Variants in ZC3H18 observed in about 807,000 individuals in gnomAD.
ZC3H18 encodes zinc finger CCCH domain-containing protein 18.
ZC3H18 carries 8 observed loss-of-function variants against 106.1 expected under a neutral mutation model. That is an observed-to-expected ratio of 0.08 (90% CI 0.04 to 0.14). ZC3H18 has a LOEUF of 0.14. Among genes scored for constraint, ZC3H18 ranks in the 10% least tolerant of loss-of-function variants. The probability of loss-of-function intolerance (pLI) is 1.00; values close to 1 mark genes in which losing one functional copy is unlikely to be tolerated. For missense variants in ZC3H18, 1,318 were observed against 1,278.4 expected, an observed-to-expected ratio of 1.03 and a Z score of -0.47; for synonymous variants, 635 against 522.1, an observed-to-expected ratio of 1.22 and a Z score of -2.95.
intron 1 of ZC3H18, among the ~76,000 whole-genome samples, chr16:88,576,438 C>T (rs1410488453): frequency 1.3e-5 from 2 of 152,170 alleles, no homozygotes; most frequent in Non-Finnish European, 2.9e-5. Flanking sequence ...GAGGGGTTCT[C>T]AACTTAGGAG....
chr16:88,611,340 CGGGAGCGCCGGCAGA>C lies in ZC3H18; in HGVS notation c.1288_1302del (p.Arg430_Arg434del), dbSNP rs1905262016. On this transcript the variant is annotated inframe_deletion, in exon 8 of 18. Coordinates refer to ENST00000301011, the MANE Select transcript of ZC3H18 (RefSeq NM_144604.4). ...GCGGGAGCGGGAGCGGGACCGAGAG[CGGGAGCGCCGGCAGA>C]GGGAGCGCGAGCGAGAGCGGGAGCG... is the stretch of plus-strand genomic sequence containing the variant. 1.4e-6 allele frequency: 1 copy of C among 729,830 alleles called. No individual in the cohort carries two copies. Among genetic ancestry groups the C allele is most frequent in the African/African-American group, 1.8e-5 (1 of 55,078 alleles). 45.2% of individuals were successfully genotyped at this position (729,830 alleles called of 1,614,324 possible).
chr16:88,628,337 C>G (rs1555538722), intron 15 of ZC3H18, among the ~76,000 whole-genome samples: 1 of 152,020 alleles, frequency 6.6e-6, no homozygotes, highest in Non-Finnish European at 1.5e-5. Context: ...TGGCCTCTCT[C>G]TGAACAGAGA....
Position 88,598,608 on chromosome 16 carries a change from G to A in ZC3H18, c.838-12G>A, listed in dbSNP as rs1462154395. 1.1e-5 allele frequency: 17 copies of A among 1,602,784 alleles called. No homozygotes were observed. The highest frequency in any genetic ancestry group is 3.3e-4 in the Middle Eastern group (2 of 6,070). On this transcript the variant is annotated splice_polypyrimidine_tract_variant and intron_variant, in intron 4 of 17. Transcript: ENST00000301011. ...TTACTTTCTCACCTTCTCCCTTCTC[G>A]TTTTTCAATAGGGTGGGCCGGTAGT...
chr16:88,592,040 G>T (rs1008044556), intron 3 of ZC3H18, among the ~76,000 whole-genome samples: 6 of 152,234 alleles, frequency 3.9e-5, no homozygotes, highest in African/African-American at 1.4e-4. Context: ...GGAGCCGCTG[G>T]CAGTGGAGTT....
chr16:88,630,481 C>G lies in ZC3H18; in HGVS notation c.2567-4C>G, dbSNP rs2142844862. 1.2e-6 allele frequency: 2 copies of G among 1,612,756 alleles called. No homozygotes were observed. The highest frequency in any genetic ancestry group is 1.7e-6 in the Non-Finnish European group (2 of 1,179,606). ...GGTGGTCTCACTCTGTACCTATCAC[C>G]CAGGTTCTCGGGACCGGAAGTCAGG... On this transcript the variant is annotated splice_region_variant and splice_polypyrimidine_tract_variant and intron_variant, in intron 16 of 17. Transcript: ENST00000301011.
At chr16:88,595,365 T>G (rs1349792923) in intron 3 of ZC3H18, among the ~76,000 whole-genome samples, 2 of 152,192 alleles carry the variant, frequency 1.3e-5, no homozygotes, top group Non-Finnish European at 2.9e-5. Flanking sequence ...CGCAGAACTA[T>G]CTTTATACTG....
intron 10 of ZC3H18, 166 bp downstream of exon 10, chr16:88,623,510 C>A: frequency 1.1e-6 from 1 of 910,660 alleles, no homozygotes; most frequent in Non-Finnish European, 1.6e-6. Flanking sequence ...CCCCACCAAA[C>A]ACCAGCCTTG....
intron 13 of ZC3H18, chr16:88,626,384 CAAAA>C (rs138416506): frequency 6.7e-6 from 1 of 149,624 alleles, no homozygotes; most frequent in African/African-American, 2.5e-5. Flanking sequence ...TGTCTCAAAA[CAAAA>C]AAAAAGGATT....
chr16:88,630,756 A>ACCCC (rs1281479340), intron 17 of ZC3H18, among the ~76,000 whole-genome samples, 175 bp downstream of exon 17: 12 of 50,238 alleles, frequency 2.4e-4, no homozygotes, highest in African/African-American at 7.2e-4. Context: ...CCCACCCCCC[A>ACCCC]CCCCCCCCCA....
chr16:88,624,169 G>A lies in ZC3H18; in HGVS notation c.1898+107G>A. 2.7e-6 allele frequency: 4 copies of A among 1,475,164 alleles called. 1 individual carries two copies. In the South Asian group the frequency reaches 5.0e-5, roughly 18 times the overall value. The allele number at this position is 1,475,164 out of a possible 1,614,324, so 91.4% of individuals were successfully genotyped here. A position where few individuals can be genotyped will look rare whatever the true frequency, so the allele number is the denominator to read the frequency against. On this transcript the variant is annotated intron_variant, in intron 11 of 17. Transcript: ENST00000301011. ...TTTGTGTTTGGGACCAAAGAGGTGAGGATGCCTCAGGGGGCTGGCCCCAGG... is the reference window on the plus strand; with the variant it reads ...TTTGTGTTTGGGACCAAAGAGGTGAAGATGCCTCAGGGGGCTGGCCCCAGG...
At chr16:88,604,350 C>A (rs1347090541) in intron 6 of ZC3H18, among the ~76,000 whole-genome samples, 22 of 44,580 alleles carry the variant, frequency 4.9e-4, no homozygotes, top group Non-Finnish European at 1.4e-4. Context: ...GACTCTTTCT[C>A]CAAAAAAAAA....
intron 1 of ZC3H18, among the ~76,000 whole-genome samples, chr16:88,576,386 T>A (rs1179811989): frequency 6.6e-6 from 1 of 152,166 alleles, no homozygotes; most frequent in Non-Finnish European, 1.5e-5. Context: ...GTGTCAAGTT[T>A]CCTGCCAGAG....
Position 88,586,677 on chromosome 16 carries a change from C to T in ZC3H18, c.681C>T (p.Phe227=), listed in dbSNP as rs776042272. ...GGCCTCGTCCCACCTGCCGGTTCTT[C>T]ATGAAAGGTAATTGTCTGCGTGTGA... ...KVRPRPTCRF[F]MKGNCTWGMN... Residue 227 remains phenylalanine (F), a synonymous_variant, in exon 3 of 18, where the codon TTC becomes TTT. Coordinates refer to ENST00000301011, the MANE Select transcript of ZC3H18 (RefSeq NM_144604.4). 1.2e-6 allele frequency: 2 copies of T among 1,614,124 alleles called. No homozygotes were observed. The highest frequency in any genetic ancestry group is 1.7e-6 in the Non-Finnish European group (2 of 1,179,974).
chr16:88,631,197 G>A lies in ZC3H18; in HGVS notation c.2760G>A (p.Gly920=), dbSNP rs1326134793. The part of the protein sequence containing the change: ...SDPGAASTKS[G]KASTLSRREE... Reference sequence around the variant, plus strand: ...CCGGCGCCGCCAGCACCAAATCAGGGAAGGCCAGCACGCTGTCTCGGCGGG... The same window carrying A: ...CCGGCGCCGCCAGCACCAAATCAGGAAAGGCCAGCACGCTGTCTCGGCGGG... Residue 920 remains glycine, a synonymous_variant, in exon 18 of 18, where the codon GGG becomes GGA. Coordinates refer to ENST00000301011, the MANE Select transcript of ZC3H18 (RefSeq NM_144604.4). 1 of 1,613,856 alleles carries A rather than the reference G, an allele frequency of 6.2e-7. No homozygotes were observed. The highest frequency in any genetic ancestry group is 1.1e-5 in the South Asian group (1 of 91,084).
In ZC3H18 at chr16:88,598,458, G is replaced by C. The variant is rs1360951313; in HGVS notation, c.837+132G>C. 5 of 1,478,562 alleles carry C rather than the reference G, an allele frequency of 3.4e-6. No individual in the cohort carries two copies. The South Asian group carries it at 6.5e-5, about 19-fold the overall frequency. The allele number at this position is 1,478,562 out of a possible 1,614,324, so 91.6% of individuals were successfully genotyped here. A position where few individuals can be genotyped will look rare whatever the true frequency, so the allele number is the denominator to read the frequency against. On this transcript the variant is annotated intron_variant, in intron 4 of 17. Coordinates refer to ENST00000301011, the MANE Select transcript of ZC3H18 (RefSeq NM_144604.4). ...CTTTCGGCTGCTTCTGTCGTCCCGAGTGGAAGCAGGCCTCGGCTTTCCGAG... is the reference window on the plus strand; with the variant it reads ...CTTTCGGCTGCTTCTGTCGTCCCGACTGGAAGCAGGCCTCGGCTTTCCGAG...
intron 8 of ZC3H18, among the ~76,000 whole-genome samples, chr16:88,621,743 G>GT (rs1379916997): frequency 6.6e-6 from 1 of 152,142 alleles, no homozygotes; most frequent in African/African-American, 2.4e-5. Context: ...CACCCGCCTC[G>GT]TCCTCGCAAA....
intron 8 of ZC3H18, among the ~76,000 whole-genome samples, chr16:88,612,913 G>C (rs1192877568): frequency 6.6e-6 from 1 of 152,122 alleles, no homozygotes. Flanking sequence ...TAATACGGGA[G>C]GATCACTTAA....
chr16:88,598,543 G>C, intron 4 of ZC3H18, 77 bp from the exon 5 acceptor site: 1 of 1,490,604 alleles, frequency 6.7e-7, no homozygotes, highest in Non-Finnish European at 9.2e-7. Context: ...TGTTGTAGTT[G>C]ATGTTTTTAC....
intron 3 of ZC3H18, among the ~76,000 whole-genome samples, chr16:88,594,694 G>T (rs1022886043): frequency 6.6e-6 from 1 of 152,232 alleles, no homozygotes; most frequent in African/African-American, 2.4e-5. Context: ...ATTGATAACT[G>T]CCTCTGGGAA....
Sources: allele counts gnomAD v4.1 joint callset (sites outside exome capture counted in the v4.1 genomes callset), GRCh38; gene constraint gnomAD v4.1.1; transcripts MANE v1.5; gene names NCBI Gene and HGNC (gene_info 2026-07-23, HGNC 2026-07-21).